ITGB3BP: variants seen among roughly 807,000 people sequenced by gnomAD.
ITGB3BP encodes integrin subunit beta 3 binding protein.
In ITGB3BP, 27 loss-of-function variants were observed where a neutral mutation model predicts 29.1. The observed-to-expected ratio is 0.93, with a 90% CI of 0.68 to 1.28. ITGB3BP has a LOEUF of 1.28. Among genes scored for constraint, ITGB3BP ranks in the 50% most tolerant of loss-of-function variants. ITGB3BP has a pLI of 0.00. For missense variants in ITGB3BP, 192 were observed against 200.2 expected, an observed-to-expected ratio of 0.96 and a Z score of 0.25; for synonymous variants, 61 against 61.4, an observed-to-expected ratio of 0.99 and a Z score of 0.03.
chr1:63,444,828 C>A (rs1320587695), intron 8 of ITGB3BP, among the ~76,000 whole-genome samples: 2 of 151,960 alleles, frequency 1.3e-5, no homozygotes, highest in African/African-American at 4.8e-5. Flanking sequence ...GTTTAGTATC[C>A]TGGCCCTGTT....
At chr1:63,482,644 T>C (rs1226779383) in intron 3 of ITGB3BP, among the ~76,000 whole-genome samples, 5 of 148,776 alleles carry the variant, frequency 3.4e-5, no homozygotes, top group Admixed American at 6.8e-5. Context: ...AAAATAACAA[T>C]GTTAATTTTT....
rs1645481193 is a variant in ITGB3BP at position 63,483,853 on chromosome 1, T to C, written c.185-5020A>G. On this transcript the variant is annotated intron_variant, in intron 3 of 8. Coordinates refer to ENST00000271002, the MANE Select transcript of ITGB3BP (RefSeq NM_014288.5). ...CTATGGTATTCAGTAGTCCACTGTA[T>C]AGGTTTGCAGCCTAGGAACAAAAGG... Among the ~76,000 whole-genome samples, 3 of 152,314 alleles carry C rather than the reference T, an allele frequency of 2.0e-5. No individual in the cohort carries two copies. The South Asian group carries it at 6.2e-4, about 32-fold the overall frequency.
At chr1:63,508,112 G>C (rs532316140) in intron 2 of ITGB3BP, among the ~76,000 whole-genome samples, 1 of 152,108 alleles carries the variant, frequency 6.6e-6, no homozygotes, top group African/African-American at 2.4e-5. Flanking sequence ...GCTGAGGAAG[G>C]TAATTACATT....
intron 4 of ITGB3BP, among the ~76,000 whole-genome samples, chr1:63,468,550 A>C (rs1645139302): frequency 6.6e-6 from 1 of 152,096 alleles, no homozygotes; most frequent in South Asian, 2.1e-4. Flanking sequence ...ACATGGTGAA[A>C]GCCCGTCTCT....
At chr1:63,478,064 T>C (rs946134073) in intron 4 of ITGB3BP, among the ~76,000 whole-genome samples, 1 of 152,206 alleles carries the variant, frequency 6.6e-6, no homozygotes, top group South Asian at 2.1e-4. Flanking sequence ...TTACTTATAA[T>C]ACCTAACACA....
intron 2 of ITGB3BP, among the ~76,000 whole-genome samples, chr1:63,492,898 C>G (rs1645685903): frequency 6.6e-6 from 1 of 151,958 alleles, no homozygotes. Flanking sequence ...TGCTTGAGCT[C>G]AGGAGTTTGA....
intron 4 of ITGB3BP, among the ~76,000 whole-genome samples, chr1:63,474,916 A>C (rs930135514): frequency 1.9e-4 from 3 of 16,014 alleles, no homozygotes; most frequent in African/African-American, 2.1e-4. Context: ...TAAATAAAAT[A>C]AAAACAAAAC....
At chr1:63,447,771 C>T (rs978993279) in intron 7 of ITGB3BP, 5 of 376,822 alleles carry the variant, frequency 1.3e-5, no homozygotes, top group South Asian at 2.0e-5. Context: ...GTCAGTGTGG[C>T]GATTCCTCAG....
intron 4 of ITGB3BP, among the ~76,000 whole-genome samples, chr1:63,476,239 C>A (rs1425109862): frequency 6.6e-6 from 1 of 151,820 alleles, no homozygotes; most frequent in Admixed American, 6.6e-5. Flanking sequence ...TATCAACTCA[C>A]TGCAACCTCC....
At chr1:63,507,525 C>T (rs745348567) in intron 2 of ITGB3BP, among the ~76,000 whole-genome samples, 1 of 152,170 alleles carries the variant, frequency 6.6e-6, no homozygotes, top group Non-Finnish European at 1.5e-5. Context: ...GACTACTCAT[C>T]TACCAAAAAA....
chr1:63,525,488 C>T, upstream of ITGB3BP: 4 of 1,112,400 alleles, frequency 3.6e-6, no homozygotes, highest in East Asian at 2.8e-5. Flanking sequence ...TCTTGATTCT[C>T]CTCCCTGTAT....
Position 63,523,111 on chromosome 1 carries a change from T to G in ITGB3BP, c.5+18A>C. The G allele has an allele frequency of 6.2e-7, 1 of 1,614,002 alleles. No homozygotes were observed. Among genetic ancestry groups the G allele is most frequent in the Admixed American group, 1.7e-5 (1 of 60,020 alleles). On this transcript the variant is annotated intron_variant, in intron 1 of 8. Coordinates refer to ENST00000271002, the MANE Select transcript of ITGB3BP (RefSeq NM_014288.5). ...AGAGGGCCCCCAAAACAGCAATACC[T>G]GGGGAGGAGATACCTACGGCATTCT...
chr1:63,502,874 T>C lies in ITGB3BP; in HGVS notation c.48+5654A>G, dbSNP rs866677363. On this transcript the variant is annotated intron_variant, in intron 2 of 8. Transcript: ENST00000271002. The stretch of plus-strand genomic sequence containing the variant: ...TTTTTTATGGCTGCATAGTATTCCA[T>C]GGTGCATATGTGACACATTTTCTTA... Among the ~76,000 whole-genome samples, 3 of 152,214 alleles carry C rather than the reference T, an allele frequency of 2.0e-5. No homozygotes were observed. In the South Asian group the frequency reaches 6.2e-4, roughly 32 times the overall value.
chr1:63,504,235 T>G (rs1469337213), intron 2 of ITGB3BP, among the ~76,000 whole-genome samples: 1 of 151,912 alleles, frequency 6.6e-6, no homozygotes, highest in African/African-American at 2.4e-5. Flanking sequence ...TCACATCCCT[T>G]GTAAGTTGGA....
At chr1:63,450,919 A>G (rs1299987581) in intron 7 of ITGB3BP, among the ~76,000 whole-genome samples, 1 of 151,814 alleles carries the variant, frequency 6.6e-6, no homozygotes, top group Non-Finnish European at 1.5e-5. Context: ...TTTATTGTGT[A>G]TGTTTTAAAT....
Position 63,446,511 on chromosome 1 carries a change from G to A in ITGB3BP, c.*1+295C>T, listed in dbSNP as rs72676165. ...AGTCTATTTAGCTATTTATATGAAAGATGCTTGATTAAGGACCCTTTTACA... is the reference window on the plus strand; with the variant it reads ...AGTCTATTTAGCTATTTATATGAAAAATGCTTGATTAAGGACCCTTTTACA... On this transcript the variant is annotated intron_variant, in intron 8 of 8. Transcript: ENST00000271002. 2,586 of 308,770 alleles carry A rather than the reference G, an allele frequency of 8.4e-3. 26 individuals are homozygous for A. Among genetic ancestry groups the A allele is most frequent in the Non-Finnish European group, 0.012 (1,941 of 165,356 alleles). The allele number at this position is 308,770 out of a possible 1,614,324, so 19.1% of individuals were successfully genotyped here. A position where few individuals can be genotyped will look rare whatever the true frequency, so the allele number is the denominator to read the frequency against.
At chr1:63,513,651 A>C (rs1646249650) in intron 1 of ITGB3BP, among the ~76,000 whole-genome samples, 1 of 152,060 alleles carries the variant, frequency 6.6e-6, no homozygotes, top group Admixed American at 6.6e-5. Context: ...ATTTCTATCT[A>C]CCTCTATCTT....
chr1:63,515,463 G>A (rs371892788), intron 1 of ITGB3BP, among the ~76,000 whole-genome samples: 1 of 151,850 alleles, frequency 6.6e-6, no homozygotes, highest in African/African-American at 2.4e-5. Flanking sequence ...CAAGTCACTT[G>A]CCTTTCCATA....
chr1:63,504,286 G>C (rs1181293591), intron 2 of ITGB3BP, among the ~76,000 whole-genome samples: 2 of 152,022 alleles, frequency 1.3e-5, no homozygotes, highest in East Asian at 3.9e-4. Context: ...TTGTGAATGG[G>C]AGTTCACTCA....
Sources: gnomAD v4.1 joint callset for allele counts (sites outside exome capture counted in the v4.1 genomes callset) on GRCh38, gnomAD v4.1.1 for gene constraint, MANE v1.5 for transcripts, NCBI Gene and HGNC (gene_info 2026-07-23, HGNC 2026-07-21) for gene names.